Variants in LOXL2 observed in about 807,000 individuals in gnomAD.
LOXL2 encodes lysyl oxidase like 2.
A neutral mutation model predicts 93.0 loss-of-function variants in LOXL2; 70 were observed. That is an observed-to-expected ratio of 0.75 (90% CI 0.62 to 0.92). The LOEUF (loss-of-function observed/expected upper bound fraction) is 0.92, where lower values mean the gene tolerates loss of function less well. LOXL2 is among the 40% of genes least tolerant of loss of function. LOXL2 has a pLI of 0.00. For missense variants in LOXL2, 973 were observed against 1,054.9 expected, an observed-to-expected ratio of 0.92 and a Z score of 1.08; for synonymous variants, 438 against 413.2, an observed-to-expected ratio of 1.06 and a Z score of -0.73.
At position 23,307,953 on chromosome 8, in the gene LOXL2, G is replaced by GGAAAAAAAAAAAAAAAA. The variant is rs58347035; in HGVS notation, c.1880+1714_1880+1715insTTTTTTTTTTTTTTTTC. On this transcript the variant is annotated intron_variant, in intron 10 of 13. Transcript: ENST00000389131. ...GTGACTAGGTCATCAGCTGCGATAT[G>GGAAAAAAAAAAAAAAAA]AAAAAAAAAAAAAAAAAAAAGCCAA... 1.0e-3 allele frequency among the ~76,000 whole-genome samples: 84 copies of GGAAAAAAAAAAAAAAAA among 83,548 alleles called. 32 individuals are homozygous for GGAAAAAAAAAAAAAAAA. Among genetic ancestry groups the GGAAAAAAAAAAAAAAAA allele is most frequent in the Admixed American group, 2.3e-3 (12 of 5,110 alleles). 54.8% of individuals were successfully genotyped at this position (83,548 alleles called of 152,430 possible).
chr8:23,317,911 C>T (rs369863034), intron 8 of LOXL2, among the ~76,000 whole-genome samples: 1,172 of 31,950 alleles, frequency 0.037, 18 homozygotes, highest in African/African-American at 0.059. Context: ...GAGGTCTTCT[C>T]GGGATCGTCA....
chr8:23,340,892 A>G lies in LOXL2; in HGVS notation c.743+100T>C, dbSNP rs3824216. 0.01 allele frequency: 11,528 copies of G among 1,128,132 alleles called. 626 individuals are homozygous for G. In the East Asian group the frequency reaches 0.15, roughly 15 times the overall value. 69.9% of individuals were successfully genotyped at this position (1,128,132 alleles called of 1,614,324 possible). On this transcript the variant is annotated intron_variant, in intron 4 of 13. Transcript: ENST00000389131. ...TGCAGGGACACCAGCTTGCCTGGCCATGCCTGGCCAAGGAAAGGCCACCAC... is the reference window on the plus strand; with the variant it reads ...TGCAGGGACACCAGCTTGCCTGGCCGTGCCTGGCCAAGGAAAGGCCACCAC...
intron 2 of LOXL2, among the ~76,000 whole-genome samples, chr8:23,362,015 C>G (rs182807870): frequency 6.6e-6 from 1 of 152,246 alleles, no homozygotes; most frequent in African/African-American, 2.4e-5. Flanking sequence ...CCATATGATC[C>G]AGCAAAAGAA....
At chr8:23,389,604 C>A (rs184734580) in intron 1 of LOXL2, among the ~76,000 whole-genome samples, 2 of 152,126 alleles carry the variant, frequency 1.3e-5, no homozygotes, top group African/African-American at 4.8e-5. Context: ...ATAAAAATTC[C>A]TAGTCATGCA....
At position 23,302,248 on chromosome 8, in the gene LOXL2, G is replaced by A. The variant is rs549910839; in HGVS notation, c.1997-85C>T. On this transcript the variant is annotated intron_variant, in intron 11 of 13. Transcript: ENST00000389131. ...TCTTCCTGCTTCCAAGGCCCCTACCGCTGCTTCATCTGGGCTCGGCATCCC... is the reference window on the plus strand; with the variant it reads ...TCTTCCTGCTTCCAAGGCCCCTACCACTGCTTCATCTGGGCTCGGCATCCC... 19 of 1,552,688 alleles carry A rather than the reference G, an allele frequency of 1.2e-5. No individual in the cohort carries two copies. In the South Asian group the frequency reaches 1.6e-4, roughly 13 times the overall value.
intron 3 of LOXL2, among the ~76,000 whole-genome samples, chr8:23,351,472 C>A (rs1185909478): frequency 6.6e-6 from 1 of 152,182 alleles, no homozygotes; most frequent in Non-Finnish European, 1.5e-5. Flanking sequence ...CATTAAGCAC[C>A]CAATCACATT....
In LOXL2 at chr8:23,341,216, A is replaced by G. The variant is rs1213835650; in HGVS notation, c.532-13T>C. On this transcript the variant is annotated splice_polypyrimidine_tract_variant and intron_variant, in intron 3 of 13. Transcript: ENST00000389131. ...GGATATTCAGGTTCTGGGAAGAAAGAGGCGTGGAAGGAGAGGGTTACCCTA... is the reference window on the plus strand; with the variant it reads ...GGATATTCAGGTTCTGGGAAGAAAGGGGCGTGGAAGGAGAGGGTTACCCTA... The G allele has an allele frequency of 6.2e-7, 1 of 1,605,522 alleles. No homozygotes were observed. The highest frequency in any genetic ancestry group is 2.2e-5 in the East Asian group (1 of 44,830).
chr8:23,340,307 AGGAACACC>A (rs1289270176), intron 4 of LOXL2, among the ~76,000 whole-genome samples: 1 of 152,168 alleles, frequency 6.6e-6, no homozygotes, highest in Non-Finnish European at 1.5e-5. Flanking sequence ...AAGAGGAGGG[AGGAACACC>A]CCATGACCAA....
At chr8:23,348,561 T>C (rs557188525) in intron 3 of LOXL2, among the ~76,000 whole-genome samples, 2 of 150,876 alleles carry the variant, frequency 1.3e-5, no homozygotes, top group African/African-American at 2.4e-5. Flanking sequence ...GAGCGAGATC[T>C]TCTAAGAAAC....
chr8:23,303,794 G>A (rs994534966), intron 10 of LOXL2, among the ~76,000 whole-genome samples: 2 of 152,222 alleles, frequency 1.3e-5, no homozygotes, highest in African/African-American at 4.8e-5. Flanking sequence ...ACTTTCTTCA[G>A]GGTAATTAAA....
chr8:23,352,680 G>A (rs1804113991), intron 3 of LOXL2, among the ~76,000 whole-genome samples: 1 of 152,064 alleles, frequency 6.6e-6, no homozygotes, highest in Non-Finnish European at 1.5e-5. Flanking sequence ...CAGTCTCTGT[G>A]GTTAAGATGA....
At chr8:23,382,612 G>C (rs1021893566) in intron 1 of LOXL2, 4 of 152,034 alleles carry the variant, frequency 2.6e-5, no homozygotes, top group African/African-American at 9.7e-5. Flanking sequence ...TTCCCAGGAG[G>C]TGGGAGCCCT....
chr8:23,401,039 G>C (rs1281611151), intron 1 of LOXL2, among the ~76,000 whole-genome samples: 2 of 152,208 alleles, frequency 1.3e-5, no homozygotes, highest in South Asian at 2.1e-4. Flanking sequence ...GCAGCTGAGA[G>C]TCCACGAGTA....
chr8:23,304,594 A>G (rs1803198113), intron 10 of LOXL2, among the ~76,000 whole-genome samples: 1 of 152,106 alleles, frequency 6.6e-6, no homozygotes, highest in African/African-American at 2.4e-5. Context: ...TTCGGCAAAG[A>G]GGGGAGGGTG....
chr8:23,363,772 A>T (rs1373208773), intron 2 of LOXL2: 1 of 152,128 alleles, frequency 6.6e-6, no homozygotes, highest in Non-Finnish European at 1.5e-5. Flanking sequence ...CCTTCCACAT[A>T]TGCTTGGTCA....
At chr8:23,372,743 A>T (rs1298879310) in intron 1 of LOXL2, among the ~76,000 whole-genome samples, 1 of 152,186 alleles carries the variant, frequency 6.6e-6, no homozygotes, top group African/African-American at 2.4e-5. Flanking sequence ...AATATATATA[A>T]AAGAAATATT....
chr8:23,318,802 A>T (rs561947531), intron 8 of LOXL2, among the ~76,000 whole-genome samples: 1 of 152,232 alleles, frequency 6.6e-6, no homozygotes, highest in Non-Finnish European at 1.5e-5. Context: ...CCAAGCTCCC[A>T]GAGGGCGTAA....
chr8:23,390,503 TC>T (rs1287828979), intron 1 of LOXL2, among the ~76,000 whole-genome samples: 1 of 152,158 alleles, frequency 6.6e-6, no homozygotes. Flanking sequence ...CTGCATTTTT[TC>T]CCCCAGCCTC....
chr8:23,387,273 A>T (rs763249395), intron 1 of LOXL2, among the ~76,000 whole-genome samples: 2 of 152,264 alleles, frequency 1.3e-5, no homozygotes, highest in Non-Finnish European at 2.9e-5. Flanking sequence ...TGATTCTAGT[A>T]TAAGCTTTGC....
Sources: allele counts gnomAD v4.1 joint callset (sites outside exome capture counted in the v4.1 genomes callset), GRCh38; gene constraint gnomAD v4.1.1; transcripts MANE v1.5; gene names NCBI Gene and HGNC (gene_info 2026-07-23, HGNC 2026-07-21).